Variants in TRPA1 observed in about 807,000 individuals in gnomAD.
TRPA1 encodes ankyrin-like with transmembrane domains 1.
TRPA1 carries 129 observed loss-of-function variants against 131.3 expected under a neutral mutation model. The ratio of observed to expected loss-of-function variants is 0.98; its 90% CI spans 0.85 to 1.14. The LOEUF (loss-of-function observed/expected upper bound fraction) is 1.14. Ranked by LOEUF, TRPA1 falls within the 50% of genes most tolerant of loss-of-function variation. TRPA1 has a pLI of 0.00. For synonymous variants in TRPA1, 441 were observed against 451.7 expected (o/e 0.98, Z 0.30); for missense variants, 1,304 against 1,354.2 (o/e 0.96, Z 0.58).
chr8:72,075,232 A>G (rs1806146476), intron 1 of TRPA1, 67 bp downstream of exon 1: 7 of 1,267,272 alleles, frequency 5.5e-6, no homozygotes, highest in Admixed American at 3.4e-5. Flanking sequence ...GCTGCCCCCA[A>G]GGAAACCTCC....
Position 72,023,013 on chromosome 8 carries a change from A to C in TRPA1, c.3253T>G (p.Cys1085Gly). 2 of 1,613,856 alleles carry C rather than the reference A, an allele frequency of 1.2e-6. No individual in the cohort carries two copies. The highest frequency in any genetic ancestry group is 1.7e-6 in the Non-Finnish European group (2 of 1,179,864). The change falls in exon 27 of 27, where the codon TGT (cysteine) becomes GGT (glycine). Residue 1085 changes from cysteine to glycine, a missense_variant. Transcript: ENST00000262209. ...TTCTTAAACCTGTCTTGAAAAGAAC[A>C]ATGGCTATCATCATCCTCTGTCTCA... Reference protein sequence around the residue: ...ISETEDDDSHCSFQDRFKKEQ... With the variant: ...ISETEDDDSHGSFQDRFKKEQ...
intron 15 of TRPA1, among the ~76,000 whole-genome samples, chr8:72,047,989 G>A (rs140862216): frequency 7.0e-4 from 107 of 151,898 alleles, no homozygotes; most frequent in African/African-American, 2.3e-3. Context: ...GGAGTAATGT[G>A]TTTGCTTCTA....
chr8:72,044,889 T>C (rs144004795), intron 17 of TRPA1, among the ~76,000 whole-genome samples: 112 of 152,172 alleles, frequency 7.4e-4, no homozygotes, highest in African/African-American at 2.6e-3. Context: ...ACCTATTTTA[T>C]TTAAATTATA....
In TRPA1 at chr8:72,049,378, C is replaced by T. The variant is rs78614505; in HGVS notation, c.1905+1400G>A. On this transcript the variant is annotated intron_variant, in intron 15 of 26. Transcript: ENST00000262209. ...AGGTGAAATGACTTGCCTAAAACAA[C>T]ACAGCAAAAGGCAGCACCAGGATTA... is the stretch of plus-strand genomic sequence containing the variant. Among the ~76,000 whole-genome samples the T allele has an allele frequency of 2.4e-3, 368 of 152,230 alleles. 3 individuals are homozygous for T. The East Asian group carries it at 0.036, about 15-fold the overall frequency.
chr8:72,063,347 T>A, intron 5 of TRPA1, 116 bp downstream of exon 5: 1 of 742,484 alleles, frequency 1.3e-6, no homozygotes. Flanking sequence ...ACCACTGCAC[T>A]CCAGCCTGGG....
intron 24 of TRPA1, among the ~76,000 whole-genome samples, chr8:72,029,049 A>G (rs1811708833): frequency 6.6e-6 from 1 of 152,220 alleles, no homozygotes; most frequent in South Asian, 2.1e-4. Context: ...CATAAAAATA[A>G]CTTTGTGTTG....
chr8:72,071,390 A>C (rs1222371110), intron 2 of TRPA1, among the ~76,000 whole-genome samples: 1 of 152,178 alleles, frequency 6.6e-6, no homozygotes, highest in African/African-American at 2.4e-5. Flanking sequence ...TAATGATGAT[A>C]ATTTAAATGT....
intron 17 of TRPA1, among the ~76,000 whole-genome samples, chr8:72,044,922 T>C (rs990363677): frequency 1.3e-5 from 2 of 152,020 alleles, no homozygotes; most frequent in Admixed American, 6.6e-5. Flanking sequence ...TTATATATTG[T>C]CTTTCTTTTT....
chr8:72,065,667 C>G, intron 3 of TRPA1, 109 bp from the exon 4 acceptor site: 2 of 791,522 alleles, frequency 2.5e-6, no homozygotes, highest in Non-Finnish European at 4.3e-6. Flanking sequence ...GTCTGTTTAT[C>G]TTTTATTCAT....
rs1805907607 is a variant in TRPA1, at chr8:72,065,435, T to C, written c.552+16A>G. 1.9e-6 allele frequency: 3 copies of C among 1,580,764 alleles called. No homozygotes were observed. The highest frequency in any genetic ancestry group is 4.5e-5 in the East Asian group (2 of 44,558). On this transcript the variant is annotated intron_variant, in intron 4 of 26. Transcript: ENST00000262209. ...AAAAGATAAAGAAAGCAGACAGATA[T>C]GACAAATATACAAACCAAAATCTGC...
At chr8:72,053,919 G>A (rs749602971) in intron 12 of TRPA1, 52 bp from the exon 13 acceptor site, 30 of 1,352,306 alleles carry the variant, frequency 2.2e-5, no homozygotes, top group African/African-American at 2.9e-5. Flanking sequence ...GATGAAATGC[G>A]GGATGGGATG....
Position 72,065,442 on chromosome 8 carries a change from T to C in TRPA1, c.552+9A>G, listed in dbSNP as rs1369374389. On this transcript the variant is annotated intron_variant, in intron 4 of 26. Transcript: ENST00000262209. The stretch of plus-strand genomic sequence containing the variant: ...AAAGAAAGCAGACAGATATGACAAA[T>C]ATACAAACCAAAATCTGCAATGCTT... The C allele has an allele frequency of 3.1e-6, 5 of 1,605,694 alleles. No individual in the cohort carries two copies. The highest frequency in any genetic ancestry group is 4.3e-6 in the Non-Finnish European group (5 of 1,172,894).
chr8:72,052,479 T>C, intron 14 of TRPA1, 120 bp downstream of exon 14: 1 of 1,267,438 alleles, frequency 7.9e-7, no homozygotes. Flanking sequence ...TGTAAACAAC[T>C]GATATTTTAA....
chr8:72,051,581 G>A, intron 14 of TRPA1, among the ~76,000 whole-genome samples: 1 of 152,112 alleles, frequency 6.6e-6, no homozygotes, highest in South Asian at 2.1e-4. Context: ...TTCATTAAAA[G>A]TGCTTTAAAG....
At chr8:72,026,245 C>T (rs1811605332) in intron 24 of TRPA1, among the ~76,000 whole-genome samples, 172 bp from the exon 25 acceptor site, 1 of 152,238 alleles carries the variant, frequency 6.6e-6, no homozygotes, top group Non-Finnish European at 1.5e-5. Flanking sequence ...CAGTCACCTG[C>T]CCCTTCCTCT....
At chr8:72,063,371 C>G (rs1805852926) in intron 5 of TRPA1, 92 bp downstream of exon 5, 1 of 853,296 alleles carries the variant, frequency 1.2e-6, no homozygotes, top group Non-Finnish European at 1.8e-6. Flanking sequence ...CAGAGTGAGA[C>G]TCCATCTCAA....
chr8:72,038,021 AT>A lies in TRPA1; in HGVS notation c.2346del (p.Phe783LeufsTer21). 6.2e-7 allele frequency: 1 copy of A among 1,602,746 alleles called. No homozygotes were observed. The highest frequency in any genetic ancestry group is 8.5e-7 in the Non-Finnish European group (1 of 1,170,814). ...TGCCCCGCTTCTTTGCAATACCCAA[AT>A]ATACTTGATAAAAACACTAAAATCA... is the stretch of plus-strand genomic sequence containing the variant. ...TCMILVFLSS[I>X]FGYCKEAGQI... On this transcript the variant is annotated frameshift_variant, in exon 20 of 27. Transcript: ENST00000262209. LOFTEE classifies it high-confidence loss of function.
chr8:72,052,744 C>A lies in TRPA1; in HGVS notation c.1666G>T (p.Ala556Ser), dbSNP rs754220410. The change falls in exon 14 of 27, where the codon GCA (alanine) becomes TCA (serine). Residue 556 changes from alanine (A) to serine (S), a missense_variant. Ala to Ser is a moderately conservative substitution (Grantham distance 99). Coordinates refer to ENST00000262209, the MANE Select transcript of TRPA1 (RefSeq NM_007332.3). Reference sequence around the variant, plus strand: ...ACGGCTTTGGCGTGGCCTTCCCTTGCAGCAAAGTGAAGTGCAGTGTTCTTT... The same window carrying A: ...ACGGCTTTGGCGTGGCCTTCCCTTGAAGCAAAGTGAAGTGCAGTGTTCTTT... ...EDGNTALHFA[A>S]REGHAKAVAL... 3 of 1,613,280 alleles carry A rather than the reference C, an allele frequency of 1.9e-6. No homozygotes were observed. The highest frequency in any genetic ancestry group is 2.2e-5 in the South Asian group (2 of 91,062).
upstream of TRPA1, among the ~76,000 whole-genome samples, chr8:72,078,903 T>C (rs35271985): frequency 0.095 from 14,417 of 152,044 alleles, 1,045 homozygotes; most frequent in African/African-American, 0.2. Flanking sequence ...ACTTACTCCA[T>C]AGCCTCACAA....
Sources: gnomAD v4.1 joint callset for allele counts (sites outside exome capture counted in the v4.1 genomes callset) on GRCh38, gnomAD v4.1.1 for gene constraint, MANE v1.5 for transcripts, NCBI Gene and HGNC (gene_info 2026-07-23, HGNC 2026-07-21) for gene names.